Variants in CSMD3 observed in about 807,000 individuals in gnomAD.
CSMD3 encodes the protein CUB and sushi domain-containing protein 3.
In CSMD3, 177 loss-of-function variants were observed where a neutral mutation model predicts 435.2. The ratio of observed to expected loss-of-function variants is 0.41; its 90% CI spans 0.36 to 0.46. The LOEUF is 0.46. Among genes scored for constraint, CSMD3 ranks in the 20% least tolerant of loss-of-function variants. The pLI, the probability that CSMD3 is intolerant of heterozygous loss-of-function variation, is 0.34. For synonymous variants in CSMD3, 1,656 were observed against 1,520.5 expected, an observed-to-expected ratio of 1.09 and a Z score of -2.07; for missense variants, 4,265 against 4,504.6, an observed-to-expected ratio of 0.95 and a Z score of 1.52.
chr8:112,660,824 T>A (rs1428080710), intron 17 of CSMD3, among the ~76,000 whole-genome samples: 1 of 152,148 alleles, frequency 6.6e-6, no homozygotes, highest in African/African-American at 2.4e-5. Context: ...ATTATTCCAG[T>A]GTTTGGGCCA....
chr8:113,204,786 G>A (rs1441885530), intron 3 of CSMD3, among the ~76,000 whole-genome samples: 1 of 152,110 alleles, frequency 6.6e-6, no homozygotes, highest in Non-Finnish European at 1.5e-5. Context: ...ATGGTAACAT[G>A]CTGTATTAGT....
At chr8:112,464,325 G>A (rs978706200) in intron 32 of CSMD3, among the ~76,000 whole-genome samples, 5 of 151,960 alleles carry the variant, frequency 3.3e-5, no homozygotes, top group African/African-American at 4.8e-5. Flanking sequence ...GGCTTTAGAG[G>A]AAAACACATA....
chr8:113,014,593 A>G (rs1267614124), intron 6 of CSMD3, among the ~76,000 whole-genome samples: 6 of 152,118 alleles, frequency 3.9e-5, no homozygotes, highest in African/African-American at 1.4e-4. Flanking sequence ...ATTAATCATC[A>G]TTTTCAGGGT....
At chr8:113,083,896 G>C (rs1424911124) in intron 5 of CSMD3, among the ~76,000 whole-genome samples, 1 of 151,970 alleles carries the variant, frequency 6.6e-6, no homozygotes, top group Non-Finnish European at 1.5e-5. Flanking sequence ...ATCACTTGAG[G>C]CAAGAAGTTG....
chr8:112,388,950 C>A (rs1009939533), intron 36 of CSMD3, among the ~76,000 whole-genome samples: 7 of 151,910 alleles, frequency 4.6e-5, no homozygotes, highest in African/African-American at 1.7e-4. Context: ...GAAGTAGGAG[C>A]TACAGATGTA....
intron 1 of CSMD3, among the ~76,000 whole-genome samples, chr8:113,430,511 A>C (rs534161897): frequency 6.6e-6 from 1 of 152,110 alleles, no homozygotes; most frequent in Non-Finnish European, 1.5e-5. Flanking sequence ...GGGTCGCTCA[A>C]ATTTTAGAGT....
chr8:112,563,338 C>CA (rs1261547676), intron 24 of CSMD3, among the ~76,000 whole-genome samples: 1 of 149,816 alleles, frequency 6.7e-6, no homozygotes, highest in Non-Finnish European at 1.5e-5. Context: ...AGAATTTAAG[C>CA]AAAAAAAGCT....
In CSMD3 at chr8:112,483,612, A is replaced by G. The variant is rs114361936; in HGVS notation, c.5278+8877T>C. Among the ~76,000 whole-genome samples, 893 of 152,306 alleles carry G rather than the reference A, an allele frequency of 5.9e-3. 9 individuals carry two copies. Among genetic ancestry groups the G allele is most frequent in the African/African-American group, 0.02 (835 of 41,566 alleles). On this transcript the variant is annotated intron_variant, in intron 31 of 70. Transcript: ENST00000297405. ...ACAGGAAGTGTCTGTTAGATCTGGT[A>G]TGTAGTGTGGGTTTAGGAAAATGAA...
chr8:113,142,699 C>T (rs1003473991), intron 4 of CSMD3, among the ~76,000 whole-genome samples: 6 of 150,614 alleles, frequency 4.0e-5, no homozygotes, highest in Admixed American at 6.6e-5. Flanking sequence ...AGAGTAACTA[C>T]GGTCAACAAT....
intron 13 of CSMD3, among the ~76,000 whole-genome samples, chr8:112,741,792 AGAAGAT>A (rs1244726856): frequency 2.0e-4 from 18 of 90,598 alleles, no homozygotes; most frequent in Middle Eastern, 5.1e-3. Context: ...ATAGATAGAG[AGAAGAT>A]AGATAGATAG....
chr8:113,194,842 C>T (rs971016469), intron 3 of CSMD3, among the ~76,000 whole-genome samples: 1 of 151,262 alleles, frequency 6.6e-6, no homozygotes, highest in African/African-American at 2.4e-5. Context: ...ACCTAGCTTA[C>T]AAACAAGTAG....
At chr8:112,571,573 C>G (rs908417361) in intron 24 of CSMD3, among the ~76,000 whole-genome samples, 1 of 151,564 alleles carries the variant, frequency 6.6e-6, no homozygotes, top group Non-Finnish European at 1.5e-5. Flanking sequence ...ATATTTCAGA[C>G]AAGCAGAAAT....
At chr8:112,801,320 CTA>C (rs1436935757) in intron 12 of CSMD3, among the ~76,000 whole-genome samples, 1 of 152,012 alleles carries the variant, frequency 6.6e-6, no homozygotes, top group Non-Finnish European at 1.5e-5. Flanking sequence ...CTGGAAGTGA[CTA>C]TGGCAGCAAA....
intron 29 of CSMD3, among the ~76,000 whole-genome samples, chr8:112,504,945 A>G (rs1822348929): frequency 6.6e-6 from 1 of 152,186 alleles, no homozygotes. Context: ...TCATCAGTAG[A>G]AAAACTATTT....
At chr8:112,489,693 A>T (rs1005820114) in intron 31 of CSMD3, among the ~76,000 whole-genome samples, 11 of 152,208 alleles carry the variant, frequency 7.2e-5, no homozygotes, top group African/African-American at 2.2e-4. Context: ...AGACTTTTTT[A>T]AAAAATTCAT....
intron 59 of CSMD3, among the ~76,000 whole-genome samples, chr8:112,273,033 A>C (rs190944681): frequency 6.6e-6 from 1 of 152,316 alleles, no homozygotes; most frequent in East Asian, 1.9e-4. Context: ...TTCTCTTTGA[A>C]GAACTGACAG....
At chr8:112,771,288 C>A (rs1050469796) in intron 13 of CSMD3, among the ~76,000 whole-genome samples, 6 of 151,800 alleles carry the variant, frequency 4.0e-5, no homozygotes, top group Admixed American at 6.6e-5. Context: ...GCCTATAATC[C>A]CAGAAATTTG....
intron 3 of CSMD3, among the ~76,000 whole-genome samples, chr8:113,199,819 TA>T: frequency 6.6e-6 from 1 of 151,916 alleles, no homozygotes; most frequent in Admixed American, 6.6e-5. Context: ...TGGAATACAT[TA>T]AAAAAATGAC....
intron 42 of CSMD3, among the ~76,000 whole-genome samples, chr8:112,338,514 T>C (rs1355009870): frequency 6.6e-6 from 1 of 152,138 alleles, no homozygotes. Flanking sequence ...AATTAAGAAG[T>C]TCAAAATTGT....
Sources: allele counts gnomAD v4.1 joint callset (sites outside exome capture counted in the v4.1 genomes callset), GRCh38; gene constraint gnomAD v4.1.1; transcripts MANE v1.5; gene names NCBI Gene and HGNC (gene_info 2026-07-23, HGNC 2026-07-21).